LDAH: variants seen among roughly 807,000 people sequenced by gnomAD.
LDAH encodes the protein lipid droplet-associated hydrolase.
LDAH carries 26 observed loss-of-function variants against 29.6 expected under a neutral mutation model. That is an observed-to-expected ratio of 0.88 (90% CI 0.64 to 1.22). The LOEUF (loss-of-function observed/expected upper bound fraction) is 1.22, where lower values mean the gene tolerates loss of function less well. LDAH is among the 50% of genes most tolerant of loss of function. The pLI is 0.00. For synonymous variants in LDAH, 117 were observed against 133.0 expected (o/e 0.88, Z 0.83); for missense variants, 344 against 387.3 (o/e 0.89, Z 0.94).
At chr2:20,713,453 C>A (rs1398353752) in intron 5 of LDAH, among the ~76,000 whole-genome samples, 1 of 152,226 alleles carries the variant, frequency 6.6e-6, no homozygotes, top group African/African-American at 2.4e-5. Flanking sequence ...TAAAGACCAT[C>A]AATCCTATGA....
chr2:20,778,450 AAATTGCTTT>A (rs1669964887), intron 3 of LDAH, among the ~76,000 whole-genome samples: 2 of 152,228 alleles, frequency 1.3e-5, no homozygotes, highest in African/African-American at 4.8e-5. Flanking sequence ...GCAGTCATTA[AAATTGCTTT>A]CAATTTTAAA....
chr2:20,748,534 C>T (rs1667738421), intron 4 of LDAH, among the ~76,000 whole-genome samples: 1 of 152,164 alleles, frequency 6.6e-6, no homozygotes, highest in African/African-American at 2.4e-5. Flanking sequence ...GAAACCACTT[C>T]GTTTTGGGCT....
chr2:20,709,208 C>G (rs137935740), intron 5 of LDAH, among the ~76,000 whole-genome samples: 2 of 152,072 alleles, frequency 1.3e-5, no homozygotes, highest in South Asian at 2.1e-4. Context: ...GTGCAGTTAC[C>G]TTCAGGCTAT....
intron 5 of LDAH, among the ~76,000 whole-genome samples, chr2:20,727,359 C>T (rs1213622328): frequency 1.3e-5 from 2 of 152,156 alleles, no homozygotes; most frequent in South Asian, 2.1e-4. Context: ...TAAAAATATT[C>T]TAGAAGAAAT....
At position 20,757,291 on chromosome 2, in the gene LDAH, A is replaced by G. The variant is rs576285366; in HGVS notation, c.469-17086T>C. On this transcript the variant is annotated intron_variant, in intron 4 of 6. Coordinates refer to ENST00000237822, the MANE Select transcript of LDAH (RefSeq NM_021925.4). ...AACCTGGGAATTGTGTGCCCATAAAAGAGAAGGCACTCTAGGCTTTCAGTG... is the reference window on the plus strand; with the variant it reads ...AACCTGGGAATTGTGTGCCCATAAAGGAGAAGGCACTCTAGGCTTTCAGTG... Among the ~76,000 whole-genome samples the G allele has an allele frequency of 5.2e-4, 79 of 152,292 alleles. 1 individual carries two copies. Among genetic ancestry groups the G allele is most frequent in the Non-Finnish European group, 8.5e-4 (58 of 68,020 alleles).
intron 5 of LDAH, among the ~76,000 whole-genome samples, chr2:20,709,153 T>C (rs1664518208): frequency 6.6e-6 from 1 of 152,162 alleles, no homozygotes; most frequent in Non-Finnish European, 1.5e-5. Context: ...CTATATGTAA[T>C]GGGTTGCAGT....
intron 6 of LDAH, among the ~76,000 whole-genome samples, chr2:20,700,431 T>A (rs541614427): frequency 1.3e-5 from 2 of 152,210 alleles, no homozygotes; most frequent in Non-Finnish European, 2.9e-5. Context: ...CGTTTTAAGA[T>A]AATTGTACTG....
At chr2:20,695,568 G>C (rs1663389322) in intron 6 of LDAH, among the ~76,000 whole-genome samples, 1 of 151,258 alleles carries the variant, frequency 6.6e-6, no homozygotes, top group African/African-American at 2.4e-5. Flanking sequence ...TTCTGCCTCA[G>C]CCTCCCGAGT....
In LDAH at chr2:20,759,468, T is replaced by C. The variant is rs1668536940; in HGVS notation, c.468+15342A>G. ...CTTTCATTTAGTGCCTGCTAGGCTT[T>C]TTCCATTTCAGGAAATTTTTTGTGG... On this transcript the variant is annotated intron_variant, in intron 4 of 6. Coordinates refer to ENST00000237822, the MANE Select transcript of LDAH (RefSeq NM_021925.4). Among the ~76,000 whole-genome samples the C allele has an allele frequency of 2.6e-5, 4 of 152,226 alleles. No individual in the cohort carries two copies. In the South Asian group the frequency reaches 6.2e-4, roughly 24 times the overall value.
At chr2:20,695,994 CCA>C (rs1323094536) in intron 6 of LDAH, among the ~76,000 whole-genome samples, 1 of 152,144 alleles carries the variant, frequency 6.6e-6, no homozygotes, top group Non-Finnish European at 1.5e-5. Flanking sequence ...CTGCAGAACC[CCA>C]GAGTGTGCTC....
At position 20,785,662 on chromosome 2, in the gene LDAH, C is replaced by G. The variant is rs142987749; in HGVS notation, c.298+4593G>C. Among the ~76,000 whole-genome samples, 327 of 152,272 alleles carry G rather than the reference C, an allele frequency of 2.1e-3. 2 individuals carry two copies. The highest frequency in any genetic ancestry group is 3.7e-3 in the Non-Finnish European group (249 of 68,012). On this transcript the variant is annotated intron_variant, in intron 3 of 6. Coordinates refer to ENST00000237822, the MANE Select transcript of LDAH (RefSeq NM_021925.4). ...TATTCCAATTATGCATATGTTACAC[C>G]TTTTGAAATTGTCCCACAACTCTTG...
intron 2 of LDAH, among the ~76,000 whole-genome samples, chr2:20,793,364 A>G (rs1387803369): frequency 6.6e-6 from 1 of 152,186 alleles, no homozygotes; most frequent in Non-Finnish European, 1.5e-5. Flanking sequence ...TTGAGGGAAG[A>G]GAATAAATAC....
intron 4 of LDAH, among the ~76,000 whole-genome samples, chr2:20,751,957 T>C (rs763818887): frequency 6.6e-6 from 1 of 152,184 alleles, no homozygotes; most frequent in Non-Finnish European, 1.5e-5. Flanking sequence ...GTGGCAATGA[T>C]AACAGCTCAC....
intron 5 of LDAH, among the ~76,000 whole-genome samples, chr2:20,702,321 T>A (rs369702861): frequency 6.6e-6 from 1 of 152,350 alleles, no homozygotes; most frequent in African/African-American, 2.4e-5. Flanking sequence ...GTATTATTAT[T>A]CTTATCTTGC....
chr2:20,695,932 C>A (rs1172457984), intron 6 of LDAH, among the ~76,000 whole-genome samples: 1 of 152,160 alleles, frequency 6.6e-6, no homozygotes, highest in African/African-American at 2.4e-5. Context: ...GGCTGAGACT[C>A]TGGGAGCCCA....
At chr2:20,768,840 G>C (rs2124993832) in intron 4 of LDAH, among the ~76,000 whole-genome samples, 2 of 152,292 alleles carry the variant, frequency 1.3e-5, no homozygotes, top group Middle Eastern at 6.8e-3. Context: ...ATTTGGACTA[G>C]TAAACTTTCC....
At chr2:20,756,393 G>C (rs1432677343) in intron 4 of LDAH, among the ~76,000 whole-genome samples, 2 of 152,028 alleles carry the variant, frequency 1.3e-5, no homozygotes, top group Non-Finnish European at 2.9e-5. Context: ...TTTGAGGAAA[G>C]CTTCACTTAC....
At chr2:20,800,065 A>G (rs1376655448) in intron 2 of LDAH, among the ~76,000 whole-genome samples, 1 of 152,222 alleles carries the variant, frequency 6.6e-6, no homozygotes, top group African/African-American at 2.4e-5. Flanking sequence ...TCCAAAGGAG[A>G]GGGAGAAGAA....
chr2:20,741,866 G>A (rs1411501788), intron 4 of LDAH, among the ~76,000 whole-genome samples: 1 of 152,126 alleles, frequency 6.6e-6, no homozygotes, highest in Non-Finnish European at 1.5e-5. Flanking sequence ...CCATTCATCT[G>A]CTGATGGACA....
Sources: allele counts gnomAD v4.1 joint callset (sites outside exome capture counted in the v4.1 genomes callset), GRCh38; gene constraint gnomAD v4.1.1; transcripts MANE v1.5; gene names NCBI Gene and HGNC (gene_info 2026-07-23, HGNC 2026-07-21).